ACSL1: variants seen among roughly 807,000 people sequenced by gnomAD.
ACSL1 encodes acyl-CoA synthetase long chain family member 1.
ACSL1 carries 41 observed loss-of-function variants against 98.4 expected under a neutral mutation model. That is an observed-to-expected ratio of 0.42 (90% CI 0.32 to 0.54). ACSL1 has a LOEUF of 0.54. ACSL1 is among the 20% of genes least tolerant of loss of function. The pLI is 0.13. For missense variants in ACSL1, 734 were observed against 883.1 expected (o/e 0.83, Z 2.14); for synonymous variants, 316 against 322.7 (o/e 0.98, Z 0.22).
intron 3 of ACSL1, among the ~76,000 whole-genome samples, chr4:184,784,509 T>C (rs952224904): frequency 6.6e-6 from 1 of 152,194 alleles, no homozygotes; most frequent in East Asian, 1.9e-4. Flanking sequence ...GAAGTCATGA[T>C]TGCAGAAAAA....
chr4:184,761,629 C>G (rs944467689), intron 17 of ACSL1, among the ~76,000 whole-genome samples: 3 of 152,122 alleles, frequency 2.0e-5, no homozygotes, highest in African/African-American at 7.2e-5. Context: ...TGTGAAACAC[C>G]CTATTTTTAA....
Position 184,784,000 on chromosome 4 carries a change from A to AG in ACSL1, c.311-10dup. ...TAAACAAGGGCCATTATCTAAAAAAAGAGAAAAAACAACAGATGGGCTGAA... is the reference window on the plus strand; with the variant it reads ...TAAACAAGGGCCATTATCTAAAAAAAGGAGAAAAAACAACAGATGGGCTGAA... On this transcript the variant is annotated splice_polypyrimidine_tract_variant and intron_variant, in intron 3 of 20. Coordinates refer to ENST00000281455, the MANE Select transcript of ACSL1 (RefSeq NM_001995.5). 6.2e-7 allele frequency: 1 copy of AG among 1,611,618 alleles called. No homozygotes were observed. The highest frequency in any genetic ancestry group is 8.5e-7 in the Non-Finnish European group (1 of 1,178,408).
intron 1 of ACSL1, chr4:184,812,045 C>T (rs746300185): frequency 1.9e-5 from 9 of 468,856 alleles, no homozygotes; most frequent in Non-Finnish European, 2.5e-5. Context: ...CCACAACTAC[C>T]CAGAAATCCT....
chr4:184,811,371 C>A (rs1014200974), intron 1 of ACSL1, among the ~76,000 whole-genome samples: 1 of 152,112 alleles, frequency 6.6e-6, no homozygotes, highest in Non-Finnish European at 1.5e-5. Context: ...CTTGGCCTCC[C>A]AAAGTGCTGG....
rs1299707509 is a variant in ACSL1, at chr4:184,757,278, A to C, written c.1957-13T>G. 6.3e-7 allele frequency: 1 copy of C among 1,584,222 alleles called. No individual in the cohort carries two copies. The highest frequency in any genetic ancestry group is 1.3e-5 in the African/African-American group (1 of 74,204). On this transcript the variant is annotated splice_polypyrimidine_tract_variant and intron_variant, in intron 20 of 20. Coordinates refer to ENST00000281455, the MANE Select transcript of ACSL1 (RefSeq NM_001995.5). This position sits in a 1 kb window ranked among gnomAD's most constrained non-coding sequence, Gnocchi z 4.5. ...TGATGCCTTTGACCTGCCAATAAAC[A>C]AGGCAGTTAAAAGAGGAAAAAGGAC... is the stretch of plus-strand genomic sequence containing the variant.
intron 1 of ACSL1, among the ~76,000 whole-genome samples, chr4:184,817,671 A>G (rs1349429507): frequency 1.3e-5 from 2 of 152,192 alleles, no homozygotes; most frequent in African/African-American, 4.8e-5. Flanking sequence ...AAAGCCTGCA[A>G]AAAGGGACTG....
intron 6 of ACSL1, 39 bp from the exon 7 acceptor site, chr4:184,776,701 A>G: frequency 6.3e-7 from 1 of 1,586,780 alleles, no homozygotes; most frequent in Non-Finnish European, 8.6e-7. Context: ...AAGCTCTGGG[A>G]TGTTAAAAGA....
rs1762359003 is a variant in ACSL1 at position 184,758,096 on chromosome 4, C to T, written c.1783-176G>A. 6.8e-6 allele frequency: 4 copies of T among 588,104 alleles called. 1 individual carries two copies. The South Asian group carries it at 9.5e-5, about 14-fold the overall frequency. 36.4% of individuals were successfully genotyped at this position (588,104 alleles called of 1,614,324 possible). A position where few individuals can be genotyped will look rare whatever the true frequency, so the allele number is the denominator to read the frequency against. ...TTCACTCAGCCCAGATTAAGAACTC[C>T]TGGCTCTAAAATGTGGTAAGCATCA... On this transcript the variant is annotated intron_variant, in intron 18 of 20. Transcript: ENST00000281455.
chr4:184,770,612 C>T (rs1764357081), intron 10 of ACSL1, 136 bp from the exon 11 acceptor site: 1 of 680,124 alleles, frequency 1.5e-6, no homozygotes, highest in Admixed American at 2.3e-5. Context: ...TGCTAAATGA[C>T]AAGTTTATGG....
intron 1 of ACSL1, among the ~76,000 whole-genome samples, chr4:184,822,629 C>A (rs11724755): frequency 8.3e-4 from 127 of 152,102 alleles, no homozygotes; most frequent in Admixed American, 2.0e-3. Context: ...GTCTAAGCTA[C>A]TGGAGAGGCT....
At position 184,773,779 on chromosome 4, in the gene ACSL1, G is replaced by C. The variant is rs1764861271; in HGVS notation, c.789+64C>G. On this transcript the variant is annotated intron_variant, in intron 8 of 20. Coordinates refer to ENST00000281455, the MANE Select transcript of ACSL1 (RefSeq NM_001995.5). This position sits in a 1 kb window ranked among gnomAD's most constrained non-coding sequence, Gnocchi z 4.3. ...CAGAAAAGAGAACTATAAGCCACAA[G>C]GTACCAGGCTAGATATTGAAAACTA... 6.2e-7 allele frequency: 1 copy of C among 1,611,322 alleles called. No individual in the cohort carries two copies. The highest frequency in any genetic ancestry group is 2.2e-5 in the East Asian group (1 of 44,876).
intron 1 of ACSL1, among the ~76,000 whole-genome samples, chr4:184,824,795 T>C (rs907562610): frequency 6.6e-6 from 1 of 152,136 alleles, no homozygotes; most frequent in Non-Finnish European, 1.5e-5. Context: ...CTTTAAGTTT[T>C]AGCCAGCCTA....
intron 17 of ACSL1, among the ~76,000 whole-genome samples, chr4:184,761,999 C>T (rs1762918379): frequency 6.7e-6 from 1 of 150,204 alleles, no homozygotes; most frequent in Non-Finnish European, 1.5e-5. Flanking sequence ...TGGTGGTGGG[C>T]ACCTGTAATC....
chr4:184,813,558 C>T (rs1463662702), intron 1 of ACSL1: 3 of 231,968 alleles, frequency 1.3e-5, no homozygotes, highest in East Asian at 1.9e-4. Flanking sequence ...CAGGAAGAGT[C>T]GGAATTGTGT....
intron 10 of ACSL1, among the ~76,000 whole-genome samples, chr4:184,770,841 A>G (rs1047735218): frequency 6.6e-6 from 1 of 152,214 alleles, no homozygotes; most frequent in African/African-American, 2.4e-5. Context: ...AAAATGAAAA[A>G]CAAGGGGCAT....
At chr4:184,806,054 G>A (rs940527207) in intron 1 of ACSL1, among the ~76,000 whole-genome samples, 49 of 152,164 alleles carry the variant, frequency 3.2e-4, no homozygotes, top group African/African-American at 1.1e-3. Context: ...AGCTACTCCC[G>A]TCACTGCATA....
chr4:184,786,319 C>T (rs1767296668), intron 3 of ACSL1, among the ~76,000 whole-genome samples: 1 of 151,956 alleles, frequency 6.6e-6, no homozygotes, highest in Non-Finnish European at 1.5e-5. Context: ...ATGGGAAAAA[C>T]TGGTTTCATT....
intron 15 of ACSL1, 133 bp downstream of exon 15, chr4:184,764,720 G>T: frequency 2.6e-6 from 2 of 773,760 alleles, no homozygotes; most frequent in South Asian, 1.9e-5. Flanking sequence ...TGCCCCCAGA[G>T]CCTAATGATC....
At chr4:184,814,931 A>T (rs1772486145) in intron 1 of ACSL1, 1 of 431,820 alleles carries the variant, frequency 2.3e-6, no homozygotes, top group African/African-American at 2.0e-5. Context: ...CACTCTGAAC[A>T]TTCCAGGGGG....
Sources: gnomAD v4.1 joint callset for allele counts (sites outside exome capture counted in the v4.1 genomes callset) on GRCh38, gnomAD v4.1.1 for gene constraint, Gnocchi (gnomAD v3.1) non-coding constraint, MANE v1.5 for transcripts, NCBI Gene and HGNC (gene_info 2026-07-23, HGNC 2026-07-21) for gene names.